The following PEBP4 variants were observed in gnomAD, a reference collection of about 807,000 sequenced individuals.
PEBP4 encodes phosphatidylethanolamine-binding protein 4.
A neutral mutation model predicts 23.9 loss-of-function variants in PEBP4; 22 were observed. The observed-to-expected ratio is 0.92, with a 90% CI of 0.66 to 1.31. The LOEUF (loss-of-function observed/expected upper bound fraction) is 1.31. Among genes scored for constraint, PEBP4 ranks in the 40% most tolerant of loss-of-function variants. PEBP4 has a pLI of 0.00. For missense variants in PEBP4, 324 were observed against 281.7 expected, an observed-to-expected ratio of 1.15 and a Z score of -1.07; for synonymous variants, 112 against 99.3, an observed-to-expected ratio of 1.13 and a Z score of -0.76.
chr8:22,829,788 T>G (rs1195374627), intron 3 of PEBP4, among the ~76,000 whole-genome samples: 1 of 152,226 alleles, frequency 6.6e-6, no homozygotes, highest in Non-Finnish European at 1.5e-5. Flanking sequence ...GCTTTTCCCC[T>G]ATCCTTGTCT....
At chr8:22,931,747 C>T (rs534460225), upstream of PEBP4, among the ~76,000 whole-genome samples, 1 of 152,160 alleles carries the variant, frequency 6.6e-6, no homozygotes, top group African/African-American at 2.4e-5. Context: ...CTATGCCCAG[C>T]TAATTTCAAG....
chr8:22,759,777 C>T (rs370127974), intron 4 of PEBP4, among the ~76,000 whole-genome samples: 16 of 152,328 alleles, frequency 1.1e-4, no homozygotes, highest in East Asian at 5.8e-4. Flanking sequence ...TCCGCGTACC[C>T]GTGCCGTCTC....
At chr8:22,799,660 C>G (rs145722195) in intron 4 of PEBP4, among the ~76,000 whole-genome samples, 1,556 of 152,306 alleles carry the variant, frequency 0.01, 26 homozygotes, top group African/African-American at 0.035. Flanking sequence ...CCCATTAACT[C>G]GTCATTTACA....
intron 4 of PEBP4, among the ~76,000 whole-genome samples, chr8:22,792,565 T>C (rs1806161025): frequency 6.6e-6 from 1 of 152,156 alleles, no homozygotes; most frequent in African/African-American, 2.4e-5. Flanking sequence ...AAAGATGCCC[T>C]CTTGTGAGCT....
chr8:22,820,986 G>A (rs146868886), intron 3 of PEBP4, among the ~76,000 whole-genome samples: 70 of 152,292 alleles, frequency 4.6e-4, no homozygotes, highest in Non-Finnish European at 7.6e-4. Context: ...TTGAGCCCAG[G>A]AGTTCAGACC....
At chr8:22,846,623 AAGTAAGAG>A (rs1196380338) in intron 3 of PEBP4, among the ~76,000 whole-genome samples, 2 of 152,124 alleles carry the variant, frequency 1.3e-5, no homozygotes, top group East Asian at 3.9e-4. Flanking sequence ...ACCCCAAGCC[AAGTAAGAG>A]GTTGTGTCAC....
rs145354734 is a variant in PEBP4 at position 22,861,161 on chromosome 8, G to C, written c.259-43426C>G. ...AGAGCTGTTACTTGGTTTTTGTCCAGGGCCTCAGGTTTTGATTCCAAGCCT... is the reference window on the plus strand; with the variant it reads ...AGAGCTGTTACTTGGTTTTTGTCCACGGCCTCAGGTTTTGATTCCAAGCCT... On this transcript the variant is annotated intron_variant, in intron 3 of 6. Coordinates refer to ENST00000256404, the MANE Select transcript of PEBP4 (RefSeq NM_144962.3). Among the ~76,000 whole-genome samples, 260 of 152,334 alleles carry C rather than the reference G, an allele frequency of 1.7e-3. 4 individuals are homozygous for C. The South Asian group carries it at 0.032, about 19-fold the overall frequency.
At chr8:22,940,488 C>T (rs144024934) in intron 1 of PEBP4, among the ~76,000 whole-genome samples, 11 of 57,364 alleles carry the variant, frequency 1.9e-4, no homozygotes, top group African/African-American at 9.2e-4. Flanking sequence ...CCATGAATTT[C>T]TCTTTTTTTT....
At chr8:22,737,005 A>G (rs780423195) in intron 4 of PEBP4, among the ~76,000 whole-genome samples, 1 of 152,246 alleles carries the variant, frequency 6.6e-6, no homozygotes, top group Non-Finnish European at 1.5e-5. Flanking sequence ...GCTGAAAAGC[A>G]AATAAAGGCC....
At chr8:22,877,020 G>C (rs117501826) in intron 3 of PEBP4, among the ~76,000 whole-genome samples, 1,596 of 152,294 alleles carry the variant, frequency 0.01, 20 homozygotes, top group Non-Finnish European at 0.018. Context: ...GATCAGAAAA[G>C]CACTCCATAT....
chr8:22,809,517 G>A (rs1173550255), intron 4 of PEBP4, among the ~76,000 whole-genome samples: 1 of 152,114 alleles, frequency 6.6e-6, no homozygotes, highest in Non-Finnish European at 1.5e-5. Flanking sequence ...GTAGCAATAT[G>A]GCCTCATGAG....
chr8:22,854,610 C>A (rs1046016679), intron 3 of PEBP4, among the ~76,000 whole-genome samples: 1 of 152,022 alleles, frequency 6.6e-6, no homozygotes, highest in Non-Finnish European at 1.5e-5. Flanking sequence ...CTTTTCTCCC[C>A]GTCTTCACTT....
At chr8:22,897,508 T>C (rs943492037) in intron 3 of PEBP4, among the ~76,000 whole-genome samples, 3 of 152,200 alleles carry the variant, frequency 2.0e-5, no homozygotes, top group Admixed American at 1.3e-4. Flanking sequence ...TTTTAGTATG[T>C]GTAAAAATAC....
At chr8:22,833,708 T>G (rs1807136207) in intron 3 of PEBP4, among the ~76,000 whole-genome samples, 1 of 152,166 alleles carries the variant, frequency 6.6e-6, no homozygotes, top group Non-Finnish European at 1.5e-5. Context: ...TTCACGATCG[T>G]GATTAGTGGA....
At chr8:22,887,521 T>C (rs1347187785) in intron 3 of PEBP4, among the ~76,000 whole-genome samples, 1 of 145,710 alleles carries the variant, frequency 6.9e-6, no homozygotes, top group Non-Finnish European at 1.5e-5. Flanking sequence ...ATCCCAGCAC[T>C]TCAGGAGGCC....
intron 4 of PEBP4, among the ~76,000 whole-genome samples, chr8:22,811,458 T>C (rs997310993): frequency 3.3e-5 from 5 of 152,190 alleles, no homozygotes; most frequent in African/African-American, 1.2e-4. Context: ...AGCAAAAGCA[T>C]CTCTAGGGCG....
intron 4 of PEBP4, chr8:22,747,579 G>A (rs10111062): frequency 0.21 from 31,376 of 150,548 alleles, 3,499 homozygotes; most frequent in East Asian, 0.51. Context: ...GGGTGAGTGG[G>A]GTGTGCATGG....
At chr8:22,784,189 C>T (rs1265477700) in intron 4 of PEBP4, among the ~76,000 whole-genome samples, 4 of 152,124 alleles carry the variant, frequency 2.6e-5, no homozygotes, top group Non-Finnish European at 5.9e-5. Context: ...TCCCTGTCAC[C>T]AGCACCCCTG....
chr8:22,860,396 C>A (rs1402547168), intron 3 of PEBP4, among the ~76,000 whole-genome samples: 1 of 151,952 alleles, frequency 6.6e-6, no homozygotes, highest in African/African-American at 2.4e-5. Context: ...CTTCCCTCTC[C>A]CCCCAGCTCC....
Sources: gnomAD v4.1 joint callset for allele counts (sites outside exome capture counted in the v4.1 genomes callset) on GRCh38, gnomAD v4.1.1 for gene constraint, MANE v1.5 for transcripts, NCBI Gene and HGNC (gene_info 2026-07-23, HGNC 2026-07-21) for gene names.